TTN: variants seen among roughly 807,000 people sequenced by gnomAD.
The protein encoded by TTN is titin.
Under a neutral mutation model 3,223.0 loss-of-function variants are expected in TTN, and 1,525 were observed. The ratio of observed to expected loss-of-function variants is 0.47; its 90% confidence interval spans 0.45 to 0.49. The LOEUF is 0.49. Among genes scored for constraint, TTN ranks in the 20% least tolerant of loss-of-function variants. The pLI, the probability that TTN is intolerant of heterozygous loss-of-function variation, is 0.00. For synonymous variants in TTN, 14,094 were observed against 15,161.0 expected (o/e 0.93, Z 5.17); for missense variants, 40,786 against 43,424.0 (o/e 0.94, Z 5.40).
chr2:178,679,282 G>C, intron 142 of TTN, 57 bp downstream of exon 142: 1 of 1,569,250 alleles, frequency 6.4e-7, no homozygotes, highest in Non-Finnish European at 8.8e-7. Flanking sequence ...GGCTCACCAA[G>C]TTATGCTGCA....
At chr2:178,801,610 C>A (rs1484735588) in intron 3 of TTN, among the ~76,000 whole-genome samples, 1 of 152,038 alleles carries the variant, frequency 6.6e-6, no homozygotes, top group Non-Finnish European at 1.5e-5. Context: ...TAGAGAAAAA[C>A]AACAGAGGCC....
At chr2:178,748,145 C>A in intron 47 of TTN, 5 of 1,613,168 alleles carry the variant, frequency 3.1e-6, no homozygotes, top group Non-Finnish European at 4.2e-6. Context: ...TAGAGGACAA[C>A]TTTTCTCAGA....
Position 178,573,708 on chromosome 2 carries a change from G to T in TTN, c.72424C>A (p.Leu24142Ile). 6.5e-7 allele frequency: 1 copy of T among 1,544,578 alleles called. No homozygotes were observed. Among genetic ancestry groups the T allele is most frequent in the Non-Finnish European group, 8.7e-7 (1 of 1,146,862 alleles). Residue 24142 changes from leucine (L) to isoleucine (I), a missense_variant, in exon 326 of 363, where the codon CTA (leucine) becomes ATA (isoleucine). Coordinates refer to ENST00000589042, the MANE Select transcript of TTN (RefSeq NM_001267550.2). ...VTEVTSEKCV[L>I]SWFPPLDDGG... ...TCATCCAGTGGAGGGAACCATGATAGTACACACTTTTCTGATGTCACTTCA... is the reference window on the plus strand; with the variant it reads ...TCATCCAGTGGAGGGAACCATGATATTACACACTTTTCTGATGTCACTTCA...
Position 178,734,926 on chromosome 2 carries a change from G to C in TTN, c.14998C>G (p.Arg5000Gly). ...SYLMLPGESA[R>G]LHCKLKGSPV... ...GAGCCTTTCAGCTTGCAATGGAGGC[G>C]TGCTGATTCACCTGGGAGCATTAAA... The change falls in exon 51 of 363, where the codon CGC (arginine) becomes GGC (glycine). Residue 5000 changes from arginine (R) to glycine (G), a missense_variant. Coordinates refer to ENST00000589042, the MANE Select transcript of TTN (RefSeq NM_001267550.2). 1 of 1,611,244 alleles carries C rather than the reference G, an allele frequency of 6.2e-7. No homozygotes were observed. The highest frequency in any genetic ancestry group is 1.1e-5 in the South Asian group (1 of 90,852).
rs200085900 is a variant in TTN, at chr2:178,535,732, G to A, written c.100883C>T (p.Thr33628Ile). Reference sequence around the variant, plus strand: ...AATGAGATCTTGTCCTTTCTGCCAGGTGATCACAGGATCTGGTTTGCCACT... The same window carrying A: ...AATGAGATCTTGTCCTTTCTGCCAGATGATCACAGGATCTGGTTTGCCACT... ...PFSGKPDPVI[T>I]WQKGQDLIDN... The change falls in exon 358 of 363, where the codon ACC becomes ATC. Residue 33628 changes from threonine to isoleucine, a missense_variant. Thr to Ile is a moderately conservative substitution (Grantham distance 89). Coordinates refer to ENST00000589042, the MANE Select transcript of TTN (RefSeq NM_001267550.2). 1.2e-6 allele frequency: 2 copies of A among 1,613,688 alleles called. No homozygotes were observed. The highest frequency in any genetic ancestry group is 1.6e-4 in the Middle Eastern group (1 of 6,062).
Position 178,651,979 on chromosome 2 carries a change from T to A in TTN, c.39296-12A>T. 6.2e-7 allele frequency: 1 copy of A among 1,610,852 alleles called. No homozygotes were observed. The highest frequency in any genetic ancestry group is 1.7e-4 in the Middle Eastern group (1 of 6,050). ...AGGCTCCTCGAACACTTTAAAGACA[T>A]GAGCTCATTTTAATGCCAGAATTGA... is the stretch of plus-strand genomic sequence containing the variant. On this transcript the variant is annotated splice_polypyrimidine_tract_variant and intron_variant, in intron 204 of 362. Coordinates refer to ENST00000589042, the MANE Select transcript of TTN (RefSeq NM_001267550.2).
chr2:178,755,502 T>C (rs991844255), intron 46 of TTN, among the ~76,000 whole-genome samples: 6 of 152,072 alleles, frequency 3.9e-5, no homozygotes, highest in Admixed American at 2.0e-4. Context: ...GTGACCCTAT[T>C]TCGGCTCACT....
rs766041336 is a variant in TTN, at chr2:178,770,441, A to C, written c.8351T>G (p.Leu2784Arg). 1.2e-6 allele frequency: 2 copies of C among 1,614,154 alleles called. No homozygotes were observed. The highest frequency in any genetic ancestry group is 8.5e-7 in the Non-Finnish European group (1 of 1,180,018). ...CACGTGCAGTCTGGCACTGGCTCCAAGCCTTCCAAGCCTGAAGCCATAAAC... is the reference window on the plus strand; with the variant it reads ...CACGTGCAGTCTGGCACTGGCTCCACGCCTTCCAAGCCTGAAGCCATAAAC... ...ESVYGFRLGR[L>R]GASARLHVET... is the part of the protein sequence containing the mutation. The change falls in exon 35 of 363, where the codon CTT (leucine) becomes CGT (arginine). Residue 2784 changes from leucine to arginine, a missense_variant. Physicochemically the swap from Leu to Arg is moderately radical, Grantham distance 102. Transcript: ENST00000589042.
In TTN at chr2:178,794,473, C is replaced by A. The variant is rs545579063; in HGVS notation, c.1324G>T (p.Val442Leu). The change falls in exon 8 of 363, where the codon GTG (valine) becomes TTG (leucine). Residue 442 changes from valine to leucine, a missense_variant. Physicochemically the swap from Val to Leu is conservative, Grantham distance 32 (BLOSUM62 1). Coordinates refer to ENST00000589042, the MANE Select transcript of TTN (RefSeq NM_001267550.2). ...GCAGTCTGCTCTACAGCGCTGATCA[C>A]TGGTTCTCTCACTCTGGCCATATCA... ...AVDMARVREP[V>L]ISAVEQTAQR... The A allele has an allele frequency of 8.1e-6, 13 of 1,614,088 alleles. No individual in the cohort carries two copies. In the African/African-American group the frequency reaches 1.2e-4, roughly 15 times the overall value.
chr2:178,646,068 T>G, intron 216 of TTN, 38 bp from the exon 217 acceptor site: 1 of 990,950 alleles, frequency 1.0e-6, no homozygotes, highest in South Asian at 2.3e-5. Context: ...TATATGTATA[T>G]GTTAGCATGT....
intron 226 of TTN, 52 bp from the exon 227 acceptor site, chr2:178,635,767 A>T: frequency 1.3e-6 from 2 of 1,541,428 alleles, no homozygotes; most frequent in Admixed American, 4.6e-5. Flanking sequence ...CAAGTAATAT[A>T]CATAGCTTCC....
rs1158622971 is a variant in TTN at position 178,665,412 on chromosome 2, T to A, written c.36008A>T (p.Asp12003Val). The change falls in exon 165 of 363, where the codon GAT (aspartate) becomes GTT (valine). Residue 12003 changes from aspartate (D) to valine (V), a missense_variant. Coordinates refer to ENST00000589042, the MANE Select transcript of TTN (RefSeq NM_001267550.2). Reference protein sequence around the residue: ...EVVPEMKIFEDVPEEPETPRM... With the variant: ...EVVPEMKIFEVVPEEPETPRM... ...TGGAGTTTCTGGCTCTTCAGGTACA[T>A]CCTCAAATATTTTCATTTCAGGGAC... The A allele has an allele frequency of 1.2e-6, 2 of 1,612,484 alleles. No individual in the cohort carries two copies. The highest frequency in any genetic ancestry group is 1.7e-6 in the Non-Finnish European group (2 of 1,179,618).
At chr2:178,600,487 C>T (rs930202978) in intron 288 of TTN, 1 of 197,310 alleles carries the variant, frequency 5.1e-6, no homozygotes, top group Non-Finnish European at 1.1e-5. Flanking sequence ...GAAATAAAAA[C>T]TTGATTGTGA....
At position 178,612,436 on chromosome 2, in the gene TTN, C is replaced by A. The variant is rs1553698627; in HGVS notation, c.50089G>T (p.Gly16697Cys). 1.9e-6 allele frequency: 3 copies of A among 1,612,544 alleles called. No homozygotes were observed. Among genetic ancestry groups the A allele is most frequent in the African/African-American group, 1.3e-5 (1 of 74,942 alleles). The change falls in exon 266 of 363, where the codon GGC becomes TGC. Residue 16697 changes from glycine (G) to cysteine (C), a missense_variant. Coordinates refer to ENST00000589042, the MANE Select transcript of TTN (RefSeq NM_001267550.2). ...ACAGTGGTATCCACTGTTTGCCAGC[C>A]TTTTCGCCTGACGTCTCTCTTTTCC... is the stretch of plus-strand genomic sequence containing the variant. ...IVEKRDVRRKGWQTVDTTVKD... is the reference protein window; with the variant it reads ...IVEKRDVRRKCWQTVDTTVKD...
rs750689721 is a variant in TTN, at chr2:178,613,753, G to T, written c.49530C>A (p.Tyr16510Ter). The change falls in exon 263 of 363, where the codon TAC (tyrosine) becomes TAA (stop). Residue 16510 changes from tyrosine (Y) to a stop codon, truncating the protein, a stop_gained and splice_region_variant. Transcript: ENST00000589042. LOFTEE classifies it high-confidence loss of function. ...CNKMPVKDTTYRVKGLTNKKK... is the reference protein window; with the variant it reads ...CNKMPVKDTT ...CTTGATGGGGATTCTGAGCATACCT[G>T]TATGTTGTGTCCTTTACTGGCATCT... The T allele has an allele frequency of 6.2e-7, 1 of 1,611,852 alleles. No homozygotes were observed. The highest frequency in any genetic ancestry group is 8.5e-7 in the Non-Finnish European group (1 of 1,178,710).
intron 316 of TTN, 57 bp downstream of exon 316, chr2:178,581,442 C>T: frequency 1.4e-6 from 2 of 1,426,460 alleles, no homozygotes; most frequent in East Asian, 2.3e-5. Flanking sequence ...TTCTAGTCTC[C>T]CTCTTAGAAT....
chr2:178,611,331 A>C (rs747784848), intron 269 of TTN, 41 bp downstream of exon 269: 1 of 1,610,746 alleles, frequency 6.2e-7, no homozygotes, highest in Non-Finnish European at 8.5e-7. Flanking sequence ...ATGCATGAAT[A>C]AAGGGTATTT....
intron 349 of TTN, chr2:178,541,901 A>G (rs1694727400): frequency 4.4e-6 from 1 of 226,444 alleles, no homozygotes; most frequent in African/African-American, 2.3e-5. Flanking sequence ...TCAATTCTAC[A>G]TTTATTAAGC....
In TTN at chr2:178,731,949, T is replaced by G; in HGVS notation, c.16926A>C (p.Glu5642Asp). 1 of 1,608,156 alleles carries G rather than the reference T, an allele frequency of 6.2e-7. No individual in the cohort carries two copies. Among genetic ancestry groups the G allele is most frequent in the Non-Finnish European group, 8.5e-7 (1 of 1,175,442 alleles). ...CCTTTAAGACTTCAATTGGCTTAAA[T>G]TCCTTGGTAAAATAAGGTGACTCTA... Reference protein sequence around the residue: ...IVKESPYFTKEFKPIEVLKEY... With the variant: ...IVKESPYFTKDFKPIEVLKEY... The change falls in exon 58 of 363, where the codon GAA (glutamate) becomes GAC (aspartate). Residue 5642 changes from glutamate to aspartate, a missense_variant. Physicochemically the swap from Glu to Asp is conservative, Grantham distance 45. Coordinates refer to ENST00000589042, the MANE Select transcript of TTN (RefSeq NM_001267550.2).
Sources: gnomAD v4.1 joint callset for allele counts (sites outside exome capture counted in the v4.1 genomes callset) on GRCh38, gnomAD v4.1.1 for gene constraint, MANE v1.5 for transcripts, NCBI Gene and HGNC (gene_info 2026-07-23, HGNC 2026-07-21) for gene names.